Variants in HDX observed in about 807,000 individuals in gnomAD.
HDX encodes chromosome X open reading frame 43.
HDX carries 19 observed loss-of-function variants against 45.2 expected under a neutral mutation model. The ratio of observed to expected loss-of-function variants is 0.42; its 90% CI spans 0.29 to 0.62. The LOEUF is 0.62. Among genes scored for constraint, HDX ranks in the 20% least tolerant of loss-of-function variants. The pLI is 0.20. For missense variants in HDX, 532 were observed against 493.9 expected (o/e 1.08, Z -0.73); for synonymous variants, 188 against 172.8 (o/e 1.09, Z -0.69).
intron 6 of HDX, among the ~76,000 whole-genome samples, chrX:84,346,511 G>A (rs994554318): frequency 9.9e-5 from 11 of 111,556 alleles, no homozygotes; most frequent in African/African-American, 3.6e-4. Flanking sequence ...TCAAGAGTGT[G>A]TGGTATTGGC....
intron 6 of HDX, among the ~76,000 whole-genome samples, chrX:84,348,044 A>G (rs1410663963): frequency 5.4e-5 from 6 of 110,278 alleles, no homozygotes; most frequent in Non-Finnish European, 1.1e-4. Flanking sequence ...GGTTTTGAAT[A>G]TTTCTTCTGT....
chrX:84,419,792 C>T (rs1163790281), intron 5 of HDX, among the ~76,000 whole-genome samples: 1 of 112,089 alleles, frequency 8.9e-6, no homozygotes, highest in Non-Finnish European at 1.9e-5. Context: ...TCACCCCACC[C>T]TCAGGTTTAG....
At chrX:84,368,271 A>C (rs1440659017) in intron 5 of HDX, among the ~76,000 whole-genome samples, 1 of 111,690 alleles carries the variant, frequency 9.0e-6, no homozygotes, top group African/African-American at 3.2e-5. Context: ...TAAAATTTCT[A>C]TACTCCTAGT....
At chrX:84,437,498 T>C (rs976243070) in intron 5 of HDX, among the ~76,000 whole-genome samples, 1 of 111,361 alleles carries the variant, frequency 9.0e-6, no homozygotes, top group Admixed American at 9.6e-5. Flanking sequence ...CCTACTTTTA[T>C]TGGCTATGGT....
intron 5 of HDX, among the ~76,000 whole-genome samples, chrX:84,426,877 T>C (rs751746866): frequency 7.2e-5 from 8 of 110,840 alleles, no homozygotes; most frequent in Non-Finnish European, 1.1e-4. Context: ...CATTTCATTA[T>C]GTATATCTAT....
At chrX:84,486,078 T>C (rs1214695931) in intron 2 of HDX, among the ~76,000 whole-genome samples, 4 of 112,250 alleles carry the variant, frequency 3.6e-5, no homozygotes, top group South Asian at 3.6e-4. Context: ...CCATATTATT[T>C]GTTGTTTTCT....
intron 6 of HDX, among the ~76,000 whole-genome samples, chrX:84,349,194 A>G: frequency 9.1e-6 from 1 of 110,281 alleles, no homozygotes. Context: ...GTATCTGCCT[A>G]TTTGTCTCAC....
At chrX:84,491,032 G>A (rs993708600) in intron 1 of HDX, among the ~76,000 whole-genome samples, 1 of 110,662 alleles carries the variant, frequency 9.0e-6, no homozygotes, top group African/African-American at 3.3e-5. Context: ...TTTCTTCATC[G>A]TTCTTATTTG....
At chrX:84,442,317 A>C (rs73625990) in intron 4 of HDX, among the ~76,000 whole-genome samples, 7,917 of 111,080 alleles carry the variant, frequency 0.071, 336 homozygotes, top group African/African-American at 0.16. Context: ...GTGAATAGTA[A>C]ATTAATATTC....
At chrX:84,372,605 G>A (rs185254086) in intron 5 of HDX, among the ~76,000 whole-genome samples, 180 of 111,936 alleles carry the variant, frequency 1.6e-3, no homozygotes, top group African/African-American at 5.7e-3. Flanking sequence ...CATTGTGTAA[G>A]TTCTTTTTTG....
At chrX:84,346,040 T>C (rs2037194910) in intron 6 of HDX, among the ~76,000 whole-genome samples, 1 of 111,626 alleles carries the variant, frequency 9.0e-6, no homozygotes, top group African/African-American at 3.3e-5. Context: ...GGTTTGCAAA[T>C]ATTTTCTCCC....
At chrX:84,332,793 A>G (rs2036873310) in intron 9 of HDX, among the ~76,000 whole-genome samples, 1 of 111,903 alleles carries the variant, frequency 8.9e-6, no homozygotes, top group Non-Finnish European at 1.9e-5. Context: ...ATAGGATTTC[A>G]TCATGTTCTT....
intron 5 of HDX, among the ~76,000 whole-genome samples, chrX:84,377,935 G>A (rs1217328495): frequency 9.0e-6 from 1 of 110,945 alleles, no homozygotes; most frequent in Non-Finnish European, 1.9e-5. Context: ...ATAACCCAAA[G>A]AAGACTACCT....
At position 84,481,092 on chromosome X, in the gene HDX, C is replaced by A. The variant is rs1195534539; in HGVS notation, c.1-5695G>T. Among the ~76,000 whole-genome samples, 21 of 111,258 alleles carry A rather than the reference C, an allele frequency of 1.9e-4. 1 individual carries two copies. Among genetic ancestry groups the A allele is most frequent in the Admixed American group, 1.8e-3 (19 of 10,407 alleles). On this transcript the variant is annotated intron_variant, in intron 2 of 10. Transcript: ENST00000373177. ...CTTTCAAGGAATTGCTCCATTTCAT[C>A]TAAGTTGTTGAACTCAAAGGTATAA...
At chrX:84,404,430 A>C (rs1197378670) in intron 5 of HDX, among the ~76,000 whole-genome samples, 1 of 111,464 alleles carries the variant, frequency 9.0e-6, no homozygotes, top group Non-Finnish European at 1.9e-5. Flanking sequence ...AAAATCACTA[A>C]ATGAATTTTT....
chrX:84,422,948 G>A (rs1222276611), intron 5 of HDX, among the ~76,000 whole-genome samples: 4 of 110,311 alleles, frequency 3.6e-5, no homozygotes, highest in Non-Finnish European at 7.6e-5. Flanking sequence ...GATTACAGGC[G>A]TTAAAAGTTG....
rs771416809 is a variant in HDX, at chrX:84,328,653, A to T, written c.1825-2353T>A. On this transcript the variant is annotated intron_variant, in intron 9 of 10. Coordinates refer to ENST00000373177, the MANE Select transcript of HDX (RefSeq NM_001177479.2). ...ATCATTTGTTCTTAAAGAAATACAGATTAAAACCCCAAAGAGATACTACTA... is the reference window on the plus strand; with the variant it reads ...ATCATTTGTTCTTAAAGAAATACAGTTTAAAACCCCAAAGAGATACTACTA... 2.7e-5 allele frequency among the ~76,000 whole-genome samples: 3 copies of T among 111,004 alleles called. No homozygotes were observed. The South Asian group carries it at 1.2e-3, about 44-fold the overall frequency.
intron 5 of HDX, among the ~76,000 whole-genome samples, chrX:84,378,561 T>C (rs193108134): frequency 1.4e-3 from 160 of 111,738 alleles, no homozygotes; most frequent in African/African-American, 4.7e-3. Context: ...TTTATGCAAA[T>C]AGTGTTACAT....
chrX:84,349,214 G>T (rs1309895661), intron 6 of HDX, among the ~76,000 whole-genome samples: 1 of 110,170 alleles, frequency 9.1e-6, no homozygotes, highest in Non-Finnish European at 1.9e-5. Flanking sequence ...CCAATTTTGG[G>T]GTCAGTGGTT....
Sources: allele counts gnomAD v4.1 joint callset (sites outside exome capture counted in the v4.1 genomes callset), GRCh38; gene constraint gnomAD v4.1.1; transcripts MANE v1.5; gene names NCBI Gene and HGNC (gene_info 2026-07-23, HGNC 2026-07-21).